DHX29: variants seen among roughly 807,000 people sequenced by gnomAD.
DHX29 encodes the protein ATP-dependent RNA helicase DHX29.
In DHX29, 79 loss-of-function variants were observed where a neutral mutation model predicts 167.9. The observed-to-expected ratio is 0.47, with a 90% CI of 0.39 to 0.57. The LOEUF (loss-of-function observed/expected upper bound fraction) is 0.57, where lower values mean the gene tolerates loss of function less well. DHX29 is among the 20% of genes least tolerant of loss of function. DHX29 has a pLI of 0.00. For missense variants in DHX29, 1,347 were observed against 1,593.4 expected (o/e 0.85, Z 2.63); for synonymous variants, 530 against 546.0 (o/e 0.97, Z 0.41).
intron 12 of DHX29, among the ~76,000 whole-genome samples, chr5:55,280,385 T>C (rs1747341215): frequency 6.6e-6 from 1 of 152,238 alleles, no homozygotes; most frequent in Non-Finnish European, 1.5e-5. Context: ...TATTAACTGC[T>C]ACAGATGTTT....
At chr5:55,263,419 TA>T (rs1746403364) in intron 23 of DHX29, among the ~76,000 whole-genome samples, 1 of 152,194 alleles carries the variant, frequency 6.6e-6, no homozygotes, top group South Asian at 2.1e-4. Context: ...AATTGTTGCC[TA>T]AAATGTTTTT....
Position 55,297,373 on chromosome 5 carries a change from T to G in DHX29, c.287A>C (p.Gln96Pro), listed in dbSNP as rs144225273. 3.6e-3 allele frequency: 5,593 copies of G among 1,537,954 alleles called. 16 individuals are homozygous for G. Among genetic ancestry groups the G allele is most frequent in the Non-Finnish European group, 4.2e-3 (4,632 of 1,113,844 alleles). The change falls in exon 3 of 27, where the codon CAA becomes CCA. Residue 96 changes from glutamine to proline, a missense_variant. By Grantham distance (76) the Gln-to-Pro change is moderately conservative. Around this residue, in one of 3 missense-constraint regions of DHX29, gnomAD observed 405 missense variants for 416.8 expected, o/e 0.97. Transcript: ENST00000251636. Reference protein sequence around the residue: ...LKVVINNKLEQRIIGVINEHK... With the variant: ...LKVVINNKLEPRIIGVINEHK... ...CTCATTGATCACTCCAATAATTCTT[T>G]GCTCTAGTTTGTTATTAATTACCAC...
chr5:55,274,767 GAAGAT>G (rs745806699), intron 15 of DHX29, 36 bp from the exon 16 acceptor site: 26 of 1,564,484 alleles, frequency 1.7e-5, no homozygotes, highest in South Asian at 1.6e-4. Context: ...TTCAAAATAA[GAAGAT>G]AAGGAACAGC....
intron 23 of DHX29, among the ~76,000 whole-genome samples, chr5:55,266,446 A>G (rs902071742): frequency 5.3e-5 from 8 of 149,698 alleles, no homozygotes; most frequent in African/African-American, 2.0e-4. Context: ...AGTAGCTGGG[A>G]TTACAGGCAT....
At chr5:55,285,600 A>G in intron 9 of DHX29, 96 bp downstream of exon 9, 1 of 1,359,762 alleles carries the variant, frequency 7.4e-7, no homozygotes, top group Non-Finnish European at 9.8e-7. Context: ...AGCTTCCTAA[A>G]TGTCTGCTTA....
At chr5:55,294,725 G>A (rs1748224695) in intron 5 of DHX29, 1 of 152,470 alleles carries the variant, frequency 6.6e-6, no homozygotes, top group Non-Finnish European at 1.5e-5. Flanking sequence ...AAAAACAGTG[G>A]TTTTATGAGG....
chr5:55,272,361 A>G (rs1746895067), intron 17 of DHX29, among the ~76,000 whole-genome samples, 186 bp from the exon 18 acceptor site: 1 of 152,212 alleles, frequency 6.6e-6, no homozygotes, highest in African/African-American at 2.4e-5. Flanking sequence ...TTAGCTTACT[A>G]ATTAGACTAA....
chr5:55,301,001 T>C (rs1748572263), intron 1 of DHX29, among the ~76,000 whole-genome samples: 1 of 152,136 alleles, frequency 6.6e-6, no homozygotes, highest in African/African-American at 2.4e-5. Context: ...TTCACATGGC[T>C]TTTTTCTCTG....
At chr5:55,260,996 G>A (rs946601039) in intron 25 of DHX29, among the ~76,000 whole-genome samples, 4 of 152,042 alleles carry the variant, frequency 2.6e-5, no homozygotes, top group African/African-American at 7.2e-5. Flanking sequence ...AACAATCCAC[G>A]TAAATCCTGG....
Position 55,276,400 on chromosome 5 carries a change from GA to G in DHX29, c.2292del (p.His765IlefsTer5). On this transcript the variant is annotated frameshift_variant, in exon 14 of 27. Coordinates refer to ENST00000251636, the MANE Select transcript of DHX29 (RefSeq NM_019030.4). LOFTEE classifies it high-confidence loss of function. ...ISGRSYPVEV[F>X]HLEDIIEETG... is the part of the protein sequence containing the mutation. ...GTTTCTTCTATTATATCTTCAAGAT[GA>G]AAAACCTGCATAGAATAAGGCATAT... is the stretch of plus-strand genomic sequence containing the variant. 2 of 1,587,122 alleles carry G rather than the reference GA, an allele frequency of 1.3e-6. No individual in the cohort carries two copies. Among genetic ancestry groups the G allele is most frequent in the East Asian group, 2.3e-5 (1 of 44,234 alleles).
intron 6 of DHX29, among the ~76,000 whole-genome samples, chr5:55,291,678 A>G (rs1373145389): frequency 6.6e-6 from 1 of 152,048 alleles, no homozygotes; most frequent in Non-Finnish European, 1.5e-5. Context: ...ATAACTACCC[A>G]TTCTCCCATC....
At chr5:55,299,436 T>C (rs1210078219) in intron 1 of DHX29, among the ~76,000 whole-genome samples, 1 of 152,176 alleles carries the variant, frequency 6.6e-6, no homozygotes, top group Admixed American at 6.5e-5. Context: ...CCAGGGTTGC[T>C]ATAGTTTCCT....
chr5:55,285,409 C>A lies in DHX29; in HGVS notation c.1240G>T (p.Val414Leu). The change falls in exon 10 of 27, where the codon GTA (valine) becomes TTA (leucine). Residue 414 changes from valine (V) to leucine (L), a missense_variant. Coordinates refer to ENST00000251636, the MANE Select transcript of DHX29 (RefSeq NM_019030.4). Reference protein sequence around the residue: ...VGRYWKCRVRVIKSEDDVLVV... With the variant: ...VGRYWKCRVRLIKSEDDVLVV... ...AGGACATCATCTTCAGACTTGATTA[C>A]CCTAACCCTACAAAGAAGCAAACGC... 4 of 1,606,982 alleles carry A rather than the reference C, an allele frequency of 2.5e-6. No individual in the cohort carries two copies. The highest frequency in any genetic ancestry group is 3.4e-6 in the Non-Finnish European group (4 of 1,177,620).
At chr5:55,267,097 T>G (rs1465026578) in intron 23 of DHX29, 41 bp downstream of exon 23, 1 of 1,325,586 alleles carries the variant, frequency 7.5e-7, no homozygotes, top group Admixed American at 2.0e-5. Context: ...CTTATTATAG[T>G]TACCCATGAC....
chr5:55,272,743 T>C (rs1429504143), intron 17 of DHX29, among the ~76,000 whole-genome samples: 1 of 151,626 alleles, frequency 6.6e-6, no homozygotes, highest in African/African-American at 2.4e-5. Context: ...TGAAACTCGG[T>C]CTCAAAACAA....
At chr5:55,279,254 G>C (rs1171885636) in intron 12 of DHX29, among the ~76,000 whole-genome samples, 1 of 152,152 alleles carries the variant, frequency 6.6e-6, no homozygotes, top group Non-Finnish European at 1.5e-5. Context: ...AAATCTTAAA[G>C]ACACTTTTAC....
rs1462099593 is a variant in DHX29 at position 55,262,832 on chromosome 5, G to A, written c.3626C>T (p.Ser1209Leu). ...TTTAAGAAGGGCAATTTCTTGGAAT[G>A]AGAGGGTCTGTGAGGCTCTGTTTCC... is the stretch of plus-strand genomic sequence containing the variant. The part of the protein sequence containing the change: ...WEGNRASQTL[S>L]FQEIALLKAV... Residue 1209 changes from serine (S) to leucine (L), a missense_variant, in exon 24 of 27, where the codon TCA (serine) becomes TTA (leucine). Coordinates refer to ENST00000251636, the MANE Select transcript of DHX29 (RefSeq NM_019030.4). 6.8e-6 allele frequency: 11 copies of A among 1,614,000 alleles called. No individual in the cohort carries two copies. In the Admixed American group the frequency reaches 1.8e-4, roughly 27 times the overall value.
intron 1 of DHX29, among the ~76,000 whole-genome samples, chr5:55,302,656 A>G (rs1748664517): frequency 6.6e-6 from 1 of 152,060 alleles, no homozygotes; most frequent in South Asian, 2.1e-4. Flanking sequence ...TTAAAGTAAA[A>G]TTCTCATTTG....
At chr5:55,291,946 C>T (rs1463967482) in intron 6 of DHX29, among the ~76,000 whole-genome samples, 2 of 152,106 alleles carry the variant, frequency 1.3e-5, no homozygotes, top group Non-Finnish European at 2.9e-5. Context: ...GGATTGCTTC[C>T]ACGTTTTAGC....
Sources: allele counts gnomAD v4.1 joint callset (sites outside exome capture counted in the v4.1 genomes callset), GRCh38; gene constraint gnomAD v4.1.1; regional missense constraint gnomAD v4.1.1; transcripts MANE v1.5; gene names NCBI Gene and HGNC (gene_info 2026-07-23, HGNC 2026-07-21).